PRKCA: variants seen among roughly 807,000 people sequenced by gnomAD.
PRKCA encodes protein kinase C alpha type.
In PRKCA, 27 loss-of-function variants were observed where a neutral mutation model predicts 87.0. The ratio of observed to expected loss-of-function variants is 0.31; its 90% CI spans 0.23 to 0.43. PRKCA has a LOEUF of 0.43. Among genes scored for constraint, PRKCA ranks in the 20% least tolerant of loss-of-function variants. The pLI, the probability that PRKCA is intolerant of heterozygous loss-of-function variation, is 1.00. For synonymous variants in PRKCA, 329 were observed against 311.1 expected, an observed-to-expected ratio of 1.06 and a Z score of -0.61; for missense variants, 518 against 852.3, an observed-to-expected ratio of 0.61 and a Z score of 4.88.
Position 66,796,394 on chromosome 17 carries a change from G to A in PRKCA, c.1854+7415G>A, listed in dbSNP as rs548226840. On this transcript the variant is annotated intron_variant, in intron 16 of 16. Coordinates refer to ENST00000413366, the MANE Select transcript of PRKCA (RefSeq NM_002737.3). ...CCATTCCCGATTCTGGACTTGCAAG[G>A]CCAGGAACTGACTATTCTCCAAATC... 9 of 973,922 alleles carry A rather than the reference G, an allele frequency of 9.2e-6. No individual in the cohort carries two copies. The East Asian group carries it at 3.4e-4, about 37-fold the overall frequency. 60.3% of individuals were successfully genotyped at this position (973,922 alleles called of 1,614,324 possible). A position where few individuals can be genotyped will look rare whatever the true frequency, so the allele number is the denominator to read the frequency against.
intron 10 of PRKCA, among the ~76,000 whole-genome samples, chr17:66,736,792 A>AT (rs1974040805): frequency 6.6e-6 from 1 of 152,206 alleles, no homozygotes; most frequent in Admixed American, 6.5e-5. Context: ...ATTAGGTCAA[A>AT]TTTTAAATTT....
chr17:66,305,970 C>G, intron 1 of PRKCA, 126 bp from the exon 2 acceptor site: 2 of 866,312 alleles, frequency 2.3e-6, no homozygotes, highest in Non-Finnish European at 3.7e-6. Context: ...ATGTTTTTTT[C>G]TATTAAATCA....
intron 5 of PRKCA, among the ~76,000 whole-genome samples, chr17:66,664,379 G>A (rs766913559): frequency 1.4e-4 from 22 of 152,136 alleles, no homozygotes; most frequent in Non-Finnish European, 3.2e-4. Flanking sequence ...ATCATTTCCT[G>A]CCCCCAGGGC....
intron 2 of PRKCA, among the ~76,000 whole-genome samples, chr17:66,315,735 C>T (rs1429588189): frequency 6.6e-6 from 1 of 152,166 alleles, no homozygotes; most frequent in Non-Finnish European, 1.5e-5. Flanking sequence ...CTGCCTCGGC[C>T]TCCCAAAGTG....
intron 3 of PRKCA, among the ~76,000 whole-genome samples, chr17:66,537,893 C>T (rs568123270): frequency 6.6e-6 from 1 of 152,230 alleles, no homozygotes; most frequent in South Asian, 2.1e-4. Context: ...GCAATCTCCA[C>T]CTCCTGGGTT....
chr17:66,582,668 G>C (rs1267927679), intron 3 of PRKCA, among the ~76,000 whole-genome samples: 1 of 152,064 alleles, frequency 6.6e-6, no homozygotes, highest in Non-Finnish European at 1.5e-5. Context: ...GTCTTTATTA[G>C]CAGCGTGAGA....
At chr17:66,539,198 C>CT (rs1388021843) in intron 3 of PRKCA, among the ~76,000 whole-genome samples, 1 of 152,020 alleles carries the variant, frequency 6.6e-6, no homozygotes, top group Non-Finnish European at 1.5e-5. Context: ...CCCCAGCTGC[C>CT]TTTTTTAAAA....
chr17:66,688,044 AT>A (rs1391232225), intron 6 of PRKCA, among the ~76,000 whole-genome samples: 1 of 152,202 alleles, frequency 6.6e-6, no homozygotes, highest in African/African-American at 2.4e-5. Flanking sequence ...CATAGGCAAT[AT>A]GTAAACAGAT....
At chr17:66,654,118 G>T (rs138792967) in intron 5 of PRKCA, among the ~76,000 whole-genome samples, 1 of 152,182 alleles carries the variant, frequency 6.6e-6, no homozygotes, top group East Asian at 1.9e-4. Context: ...TGGTGGGTCC[G>T]TTTAGCTAGG....
At chr17:66,460,427 C>T (rs933778074) in intron 2 of PRKCA, among the ~76,000 whole-genome samples, 5 of 152,178 alleles carry the variant, frequency 3.3e-5, no homozygotes, top group African/African-American at 9.7e-5. Flanking sequence ...GGTTGATAAG[C>T]GAAGGCGTGC....
chr17:66,475,822 C>A (rs57005155), intron 2 of PRKCA, among the ~76,000 whole-genome samples: 32,707 of 152,116 alleles, frequency 0.22, 3,905 homozygotes, highest in African/African-American at 0.31. Context: ...ATTTTGATTG[C>A]AGTCAATGAA....
intron 2 of PRKCA, among the ~76,000 whole-genome samples, chr17:66,472,284 G>A (rs1212675750): frequency 6.6e-6 from 1 of 152,172 alleles, no homozygotes; most frequent in Non-Finnish European, 1.5e-5. Flanking sequence ...TGGAGACCAA[G>A]AAGAGGGAGT....
chr17:66,685,854 C>A lies in PRKCA; in HGVS notation c.530-1257C>A, dbSNP rs138191344. ...GATAAACTATGCTAATTGCCTAGAT[C>A]TGTGGTTCTGCAACTTTTATGGACA... On this transcript the variant is annotated intron_variant, in intron 5 of 16. Coordinates refer to ENST00000413366, the MANE Select transcript of PRKCA (RefSeq NM_002737.3). Among the ~76,000 whole-genome samples, 110 of 152,340 alleles carry A rather than the reference C, an allele frequency of 7.2e-4. 2 individuals carry two copies. In the East Asian group the frequency reaches 0.017, roughly 24 times the overall value.
chr17:66,654,966 G>A (rs944176615), intron 5 of PRKCA, among the ~76,000 whole-genome samples: 1 of 152,178 alleles, frequency 6.6e-6, no homozygotes, highest in African/African-American at 2.4e-5. Flanking sequence ...CTTTTTCTTA[G>A]TGGCCCCAGT....
At chr17:66,498,130 C>A (rs12453130) in intron 3 of PRKCA, among the ~76,000 whole-genome samples, 9 of 152,214 alleles carry the variant, frequency 5.9e-5, no homozygotes, top group African/African-American at 1.4e-4. Context: ...TGCCCTCCCC[C>A]CTGCTCCCCG....
At chr17:66,360,164 C>T (rs2143474172) in intron 2 of PRKCA, among the ~76,000 whole-genome samples, 1 of 152,304 alleles carries the variant, frequency 6.6e-6, no homozygotes, top group Non-Finnish European at 1.5e-5. Flanking sequence ...ATTACCAAGA[C>T]CCTAACTGTA....
intron 3 of PRKCA, among the ~76,000 whole-genome samples, chr17:66,511,164 C>CA (rs1220378546): frequency 6.6e-6 from 1 of 152,176 alleles, no homozygotes; most frequent in Non-Finnish European, 1.5e-5. Context: ...TATTCCTCCT[C>CA]ATCCCTTTTT....
intron 16 of PRKCA, among the ~76,000 whole-genome samples, chr17:66,800,701 C>T (rs1263319527): frequency 1.3e-5 from 2 of 152,246 alleles, no homozygotes; most frequent in Non-Finnish European, 2.9e-5. Flanking sequence ...AGGGTCAGAC[C>T]TGTGCACTCT....
intron 3 of PRKCA, among the ~76,000 whole-genome samples, chr17:66,607,414 T>C (rs1181876644): frequency 1.3e-5 from 2 of 152,242 alleles, no homozygotes; most frequent in African/African-American, 4.8e-5. Context: ...GGAAGAGACA[T>C]GGATTCTCCA....
Sources: gnomAD v4.1 joint callset for allele counts (sites outside exome capture counted in the v4.1 genomes callset) on GRCh38, gnomAD v4.1.1 for gene constraint, MANE v1.5 for transcripts, NCBI Gene and HGNC (gene_info 2026-07-23, HGNC 2026-07-21) for gene names.